Variants in GRM7 observed in about 807,000 individuals in gnomAD.
GRM7 encodes metabotropic glutamate receptor 7.
A neutral mutation model predicts 84.5 loss-of-function variants in GRM7; 35 were observed. That is an observed-to-expected ratio of 0.41 (90% CI 0.32 to 0.55). GRM7 has a LOEUF of 0.55. Ranked by LOEUF, GRM7 falls within the 20% of genes least tolerant of loss-of-function variation. The pLI is 0.19. For synonymous variants in GRM7, 487 were observed against 455.1 expected, an observed-to-expected ratio of 1.07 and a Z score of -0.89; for missense variants, 1,003 against 1,194.6, an observed-to-expected ratio of 0.84 and a Z score of 2.36.
At chr3:7,570,781 C>T (rs1174580702) in intron 7 of GRM7, among the ~76,000 whole-genome samples, 1 of 152,256 alleles carries the variant, frequency 6.6e-6, no homozygotes, top group Non-Finnish European at 1.5e-5. Flanking sequence ...TCTCACCCCA[C>T]ATTTCCCTTC....
At chr3:7,645,536 G>T (rs1698588319) in intron 8 of GRM7, among the ~76,000 whole-genome samples, 1 of 103,522 alleles carries the variant, frequency 9.7e-6, no homozygotes, top group Non-Finnish European at 1.7e-5. Context: ...GACAGAGCAA[G>T]ACTCCATCTT....
At chr3:7,239,676 G>A (rs184986141) in intron 2 of GRM7, among the ~76,000 whole-genome samples, 58 of 152,194 alleles carry the variant, frequency 3.8e-4, no homozygotes, top group Non-Finnish European at 7.2e-4. Flanking sequence ...AGGCCTAGAG[G>A]GGGACATTTT....
At chr3:7,394,841 C>A (rs1695143230) in intron 4 of GRM7, among the ~76,000 whole-genome samples, 1 of 152,086 alleles carries the variant, frequency 6.6e-6, no homozygotes, top group Non-Finnish European at 1.5e-5. Flanking sequence ...AGTTCAAGAC[C>A]ATTCTGACCA....
At chr3:6,975,756 G>A (rs1693966199) in intron 1 of GRM7, among the ~76,000 whole-genome samples, 1 of 152,060 alleles carries the variant, frequency 6.6e-6, no homozygotes, top group Admixed American at 6.5e-5. Flanking sequence ...TGATTAGGAA[G>A]AAGGTTCACA....
chr3:7,240,056 T>TC (rs967379950), intron 2 of GRM7, among the ~76,000 whole-genome samples: 31 of 151,382 alleles, frequency 2.0e-4, no homozygotes, highest in African/African-American at 7.3e-4. Flanking sequence ...ATATCCATTT[T>TC]CCCCTGTGGA....
chr3:7,226,382 G>A (rs1283166397), intron 2 of GRM7, among the ~76,000 whole-genome samples: 3 of 152,064 alleles, frequency 2.0e-5, no homozygotes, highest in Admixed American at 6.5e-5. Flanking sequence ...AAGGGCTCTG[G>A]CTTTTTACCG....
At chr3:6,947,040 T>C (rs141031639) in intron 1 of GRM7, among the ~76,000 whole-genome samples, 41 of 152,208 alleles carry the variant, frequency 2.7e-4, no homozygotes, top group African/African-American at 9.6e-4. Context: ...TGAATGCCCT[T>C]TATTTCCTTA....
At chr3:7,322,422 T>C (rs1700817708) in intron 4 of GRM7, among the ~76,000 whole-genome samples, 1 of 152,040 alleles carries the variant, frequency 6.6e-6, no homozygotes, top group Admixed American at 6.6e-5. Context: ...TCAGTAGTTT[T>C]TGGGGAACAG....
chr3:7,107,045 C>A (rs1330826052), intron 1 of GRM7, among the ~76,000 whole-genome samples: 1 of 151,912 alleles, frequency 6.6e-6, no homozygotes, highest in East Asian at 1.9e-4. Context: ...CACACAAAAC[C>A]TAGGGGGCTA....
chr3:7,496,866 ATG>A (rs1699721696), intron 7 of GRM7, among the ~76,000 whole-genome samples: 1 of 152,072 alleles, frequency 6.6e-6, no homozygotes, highest in African/African-American at 2.4e-5. Flanking sequence ...GTGTTAAAAA[ATG>A]TGACAAAATG....
intron 5 of GRM7, among the ~76,000 whole-genome samples, chr3:7,443,714 G>A (rs1016719661): frequency 1.3e-5 from 2 of 152,082 alleles, no homozygotes; most frequent in Middle Eastern, 3.4e-3. Context: ...ACCACTTGGT[G>A]GTATACATTT....
intron 1 of GRM7, among the ~76,000 whole-genome samples, chr3:6,933,906 A>G (rs1285791963): frequency 6.6e-6 from 1 of 152,138 alleles, no homozygotes; most frequent in Non-Finnish European, 1.5e-5. Context: ...TTGACTTATA[A>G]ACTTTTGTTC....
At position 6,921,123 on chromosome 3, in the gene GRM7, T is replaced by C. The variant is rs146195570; in HGVS notation, c.519+59216T>C. ...CTTCAGCAAATGTATTAGTCCATGC[T>C]GCATCCCCACTTTGGCTTATCTGTG... On this transcript the variant is annotated intron_variant, in intron 1 of 9. Coordinates refer to ENST00000357716, the MANE Select transcript of GRM7 (RefSeq NM_000844.4). 1.4e-3 allele frequency among the ~76,000 whole-genome samples: 214 copies of C among 152,322 alleles called. 4 individuals carry two copies. The East Asian group carries it at 0.038, about 27-fold the overall frequency.
At chr3:7,483,428 C>G (rs574138419) in intron 7 of GRM7, among the ~76,000 whole-genome samples, 4 of 152,044 alleles carry the variant, frequency 2.6e-5, no homozygotes, top group African/African-American at 7.2e-5. Context: ...CAGAAAGCAA[C>G]AGAGGAGCAG....
chr3:7,728,807 T>A (rs754382144), intron 9 of GRM7, among the ~76,000 whole-genome samples: 36 of 152,346 alleles, frequency 2.4e-4, no homozygotes, highest in South Asian at 1.0e-3. Flanking sequence ...TAGGAAGAAC[T>A]GGTCTGCCAC....
chr3:7,080,678 G>T (rs1294648377), intron 1 of GRM7, among the ~76,000 whole-genome samples: 3 of 141,454 alleles, frequency 2.1e-5, no homozygotes, highest in African/African-American at 8.2e-5. Context: ...GCACATGTGT[G>T]TATATTTGTA....
intron 2 of GRM7, among the ~76,000 whole-genome samples, chr3:7,253,857 G>A (rs146171424): frequency 2.0e-4 from 30 of 152,212 alleles, no homozygotes; most frequent in African/African-American, 7.0e-4. Flanking sequence ...TGGATTTTGC[G>A]CATCATTTCA....
chr3:7,497,092 T>C (rs1370351463), intron 7 of GRM7, among the ~76,000 whole-genome samples: 1 of 134,288 alleles, frequency 7.4e-6, no homozygotes, highest in Non-Finnish European at 1.7e-5. Flanking sequence ...GGCCATCAGG[T>C]TATTTAGAAC....
intron 1 of GRM7, among the ~76,000 whole-genome samples, chr3:7,072,459 A>G (rs139412817): frequency 0.019 from 2,937 of 152,148 alleles, 106 homozygotes; most frequent in African/African-American, 0.067. Context: ...AGGCAGGAGG[A>G]TTGCTTGAGC....
Sources: allele counts gnomAD v4.1 joint callset (sites outside exome capture counted in the v4.1 genomes callset), GRCh38; gene constraint gnomAD v4.1.1; transcripts MANE v1.5; gene names NCBI Gene and HGNC (gene_info 2026-07-23, HGNC 2026-07-21).